Variants in RHOH observed in about 807,000 individuals in gnomAD.
RHOH encodes the protein ras homolog family member H.
Under a neutral mutation model 13.8 loss-of-function variants are expected in RHOH, and 6 were observed. The ratio of observed to expected loss-of-function variants is 0.44; its 90% CI spans 0.24 to 0.86. The LOEUF is 0.86. Ranked by LOEUF, RHOH falls within the 40% of genes least tolerant of loss-of-function variation. The pLI, the probability that RHOH is intolerant of heterozygous loss-of-function variation, is 0.24. For missense variants in RHOH, 147 were observed against 244.5 expected, an observed-to-expected ratio of 0.60 and a Z score of 2.66; for synonymous variants, 117 against 103.0, an observed-to-expected ratio of 1.14 and a Z score of -0.82.
chr4:40,205,358 G>A (rs1271289877), intron 1 of RHOH, among the ~76,000 whole-genome samples: 2 of 152,226 alleles, frequency 1.3e-5, no homozygotes, highest in South Asian at 2.1e-4. Context: ...CCTAAGCAAC[G>A]TACTGGATAC....
chr4:40,213,392 C>T (rs776372907), intron 1 of RHOH, among the ~76,000 whole-genome samples: 2 of 150,998 alleles, frequency 1.3e-5, no homozygotes, highest in Non-Finnish European at 2.9e-5. Context: ...CTCTCTCTCA[C>T]ACACACACCC....
intron 1 of RHOH, among the ~76,000 whole-genome samples, chr4:40,197,529 A>C (rs1723344235): frequency 6.6e-6 from 1 of 152,162 alleles, no homozygotes; most frequent in Non-Finnish European, 1.5e-5. Flanking sequence ...AAGTTACAAT[A>C]GTTGGCTTTT....
At chr4:40,202,607 T>C (rs1329870506) in intron 1 of RHOH, among the ~76,000 whole-genome samples, 1 of 152,212 alleles carries the variant, frequency 6.6e-6, no homozygotes, top group Non-Finnish European at 1.5e-5. Context: ...TGTGAATCCC[T>C]GGGCAGGGTA....
intron 1 of RHOH, among the ~76,000 whole-genome samples, chr4:40,217,672 C>T (rs1726045526): frequency 6.6e-6 from 1 of 152,144 alleles, no homozygotes; most frequent in Non-Finnish European, 1.5e-5. Context: ...TATTGTCTTC[C>T]TCCCACCTTA....
rs1560289734 is a variant in RHOH at position 40,243,180 on chromosome 4, G to A, written c.-207G>A. 4.3e-6 allele frequency: 2 copies of A among 460,114 alleles called. No homozygotes were observed. The highest frequency in any genetic ancestry group is 7.8e-6 in the Non-Finnish European group (2 of 256,532). The allele number at this position is 460,114 out of a possible 1,614,324, so 28.5% of individuals were successfully genotyped here. ...TCCCCCTTCTCTTTCTGTTCCAGTT[G>A]AAGACTAGGCTTTGGAGGTTTTCAA... is the stretch of plus-strand genomic sequence containing the variant. On this transcript the variant is annotated splice_region_variant and 5_prime_UTR_variant, in exon 3 of 3. Coordinates refer to ENST00000381799, the MANE Select transcript of RHOH (RefSeq NM_004310.5). This position sits in a 1 kb window ranked among gnomAD's most constrained non-coding sequence, Gnocchi z 6.2.
intron 1 of RHOH, among the ~76,000 whole-genome samples, chr4:40,241,442 G>A (rs1343484551): frequency 6.6e-6 from 1 of 152,170 alleles, no homozygotes; most frequent in Non-Finnish European, 1.5e-5. Flanking sequence ...GAAAACCAAG[G>A]TTCAGAGAGG....
chr4:40,200,864 A>T (rs185490685), intron 1 of RHOH, among the ~76,000 whole-genome samples: 1 of 152,266 alleles, frequency 6.6e-6, no homozygotes, highest in Non-Finnish European at 1.5e-5. Flanking sequence ...ACCAAATCAC[A>T]TTCTTTTCTG....
intron 1 of RHOH, among the ~76,000 whole-genome samples, chr4:40,206,565 C>G (rs1261937678): frequency 7.8e-6 from 1 of 128,808 alleles, no homozygotes; most frequent in Non-Finnish European, 1.8e-5. Flanking sequence ...TCCTCAAGCT[C>G]TACTCTTTGG....
At chr4:40,197,816 T>C (rs1723399993) in intron 1 of RHOH, among the ~76,000 whole-genome samples, 1 of 152,236 alleles carries the variant, frequency 6.6e-6, no homozygotes, top group South Asian at 2.1e-4. Context: ...ATAACATGTA[T>C]TTTTTAATTA....
At chr4:40,231,359 GAA>G (rs1727921490) in intron 1 of RHOH, among the ~76,000 whole-genome samples, 1 of 137,150 alleles carries the variant, frequency 7.3e-6, no homozygotes, top group African/African-American at 2.7e-5. Context: ...ACATAGAAGA[GAA>G]CATGTTTCTA....
rs369758053 is a variant in RHOH at position 40,204,308 on chromosome 4, C to G, written c.-331+7008C>G. On this transcript the variant is annotated intron_variant, in intron 1 of 2. Coordinates refer to ENST00000381799, the MANE Select transcript of RHOH (RefSeq NM_004310.5). ...GGTAAATCAAGGATAAGTTAACAAC[C>G]CATCTTCACATTGGAGGCGCAAGTC... Among the ~76,000 whole-genome samples, 36 of 152,302 alleles carry G rather than the reference C, an allele frequency of 2.4e-4. No homozygotes were observed. In the South Asian group the frequency reaches 6.8e-3, roughly 29 times the overall value.
intron 1 of RHOH, among the ~76,000 whole-genome samples, chr4:40,235,596 A>AG: frequency 6.7e-6 from 1 of 148,402 alleles, no homozygotes; most frequent in African/African-American, 2.5e-5. Flanking sequence ...ATCTCAAAAA[A>AG]AAAAAAAAAA....
intron 1 of RHOH, among the ~76,000 whole-genome samples, chr4:40,236,528 T>C (rs552394952): frequency 6.6e-6 from 1 of 152,126 alleles, no homozygotes; most frequent in Non-Finnish European, 1.5e-5. Flanking sequence ...CGGTGGCTCA[T>C]GCCTGTAATC....
chr4:40,199,954 T>A (rs1723745219), intron 1 of RHOH, among the ~76,000 whole-genome samples: 2 of 152,196 alleles, frequency 1.3e-5, no homozygotes, highest in African/African-American at 4.8e-5. Context: ...CCTAATTATG[T>A]GTGCAGATGA....
intron 1 of RHOH, among the ~76,000 whole-genome samples, chr4:40,231,828 C>T (rs1370466881): frequency 6.6e-6 from 1 of 152,250 alleles, no homozygotes; most frequent in African/African-American, 2.4e-5. Flanking sequence ...TTCCTACAGC[C>T]CAGCTTGATC....
chr4:40,209,251 A>G (rs1724988100), intron 1 of RHOH, among the ~76,000 whole-genome samples: 2 of 152,204 alleles, frequency 1.3e-5, no homozygotes, highest in Non-Finnish European at 2.9e-5. Context: ...AGTTTCTCAA[A>G]GCATAGAAAA....
chr4:40,203,989 T>C (rs763320406), intron 1 of RHOH, among the ~76,000 whole-genome samples: 17 of 152,232 alleles, frequency 1.1e-4, no homozygotes, highest in African/African-American at 7.2e-5. Context: ...AAAGAAAGTA[T>C]ATTTTTTGAT....
chr4:40,193,503 AGAGAGG>A (rs1284617842), upstream of RHOH: 2 of 111,968 alleles, frequency 1.8e-5, no homozygotes, highest in Non-Finnish European at 3.7e-5. Context: ...AGAGAGAGAG[AGAGAGG>A]AGAGGAGGGG....
chr4:40,198,005 T>A (rs1723435792), intron 1 of RHOH, among the ~76,000 whole-genome samples: 1 of 152,190 alleles, frequency 6.6e-6, no homozygotes, highest in Non-Finnish European at 1.5e-5. Context: ...CCTTATTGGT[T>A]CTAAGCTGGT....
Sources: gnomAD v4.1 joint callset for allele counts (sites outside exome capture counted in the v4.1 genomes callset) on GRCh38, gnomAD v4.1.1 for gene constraint, Gnocchi (gnomAD v3.1) non-coding constraint, MANE v1.5 for transcripts, NCBI Gene and HGNC (gene_info 2026-07-23, HGNC 2026-07-21) for gene names.